The following EFCAB11 variants were observed in gnomAD, a reference collection of about 807,000 sequenced individuals.
EFCAB11 encodes EF-hand calcium binding domain 11.
Under a neutral mutation model 23.0 loss-of-function variants are expected in EFCAB11, and 14 were observed. The ratio of observed to expected loss-of-function variants is 0.61; its 90% confidence interval spans 0.40 to 0.95. EFCAB11 has a LOEUF of 0.95. EFCAB11 is among the 40% of genes least tolerant of loss of function. EFCAB11 has a pLI of 0.00. For missense variants in EFCAB11, 198 were observed against 195.8 expected, an observed-to-expected ratio of 1.01 and a Z score of -0.07; for synonymous variants, 65 against 66.6, an observed-to-expected ratio of 0.98 and a Z score of 0.11.
intron 5 of EFCAB11, among the ~76,000 whole-genome samples, chr14:89,917,494 G>T (rs774674600): frequency 1.4e-4 from 22 of 152,136 alleles, no homozygotes; most frequent in Non-Finnish European, 3.1e-4. Flanking sequence ...TTCATCCAGT[G>T]GTGGGCACTT....
At chr14:89,915,897 A>C (rs193197859) in intron 5 of EFCAB11, among the ~76,000 whole-genome samples, 1 of 152,348 alleles carries the variant, frequency 6.6e-6, no homozygotes, top group Non-Finnish European at 1.5e-5. Context: ...ATTTGTTAAA[A>C]AATTGAACTT....
intron 5 of EFCAB11, among the ~76,000 whole-genome samples, chr14:89,821,856 A>T (rs1019860191): frequency 2.0e-5 from 3 of 152,252 alleles, no homozygotes; most frequent in Non-Finnish European, 4.4e-5. Context: ...TTCTTGATTT[A>T]GTCTCTGGTT....
At position 89,795,233 on chromosome 14, in the gene EFCAB11, C is replaced by T. The variant is rs185799017; in HGVS notation, c.*2010G>A. 2,495 of 146,422 alleles carry T rather than the reference C, an allele frequency of 0.017. 43 individuals are homozygous for T. Among genetic ancestry groups the T allele is most frequent in the Admixed American group, 0.024 (351 of 14,612 alleles). The allele number at this position is 146,422 out of a possible 1,614,324, so 9.1% of individuals were successfully genotyped here. A position where few individuals can be genotyped will look rare whatever the true frequency, so the allele number is the denominator to read the frequency against. The stretch of plus-strand genomic sequence containing the variant: ...CGATCTCCCGACCTCGTGATCCACC[C>T]GCCTCGGCCTCCCGAAGTGCTGGGA... On this transcript the variant is annotated 3_prime_UTR_variant, in exon 6 of 6. Transcript: ENST00000316738.
chr14:89,917,090 GTGTGTGTA>G (rs1219360906), intron 5 of EFCAB11, among the ~76,000 whole-genome samples: 2,123 of 121,120 alleles, frequency 0.018, 61 homozygotes, highest in African/African-American at 0.096. Flanking sequence ...GTGTGTGTGT[GTGTGTGTA>G]TGTGTGTGTT....
chr14:89,839,229 T>C (rs1011726596), intron 5 of EFCAB11, among the ~76,000 whole-genome samples: 2 of 152,202 alleles, frequency 1.3e-5, no homozygotes, highest in Non-Finnish European at 2.9e-5. Flanking sequence ...GCAGGTACAA[T>C]GTTCTACCAT....
chr14:89,923,751 C>A (rs988040681), intron 5 of EFCAB11: 1 of 985,394 alleles, frequency 1.0e-6, no homozygotes, highest in Non-Finnish European at 1.2e-6. Context: ...TGATCATACA[C>A]AGAATCATTC....
At chr14:89,827,092 A>G (rs897542815) in intron 5 of EFCAB11, among the ~76,000 whole-genome samples, 1 of 152,222 alleles carries the variant, frequency 6.6e-6, no homozygotes, top group Non-Finnish European at 1.5e-5. Flanking sequence ...TAGGTTAGAC[A>G]GGTATTGAAG....
chr14:89,932,745 G>A, intron 3 of EFCAB11, 118 bp from the exon 4 acceptor site: 1 of 843,170 alleles, frequency 1.2e-6, no homozygotes, highest in Non-Finnish European at 1.9e-6. Context: ...CTTAATTTTG[G>A]TGAACAGTAT....
intron 5 of EFCAB11, among the ~76,000 whole-genome samples, chr14:89,889,416 T>C (rs931014436): frequency 6.6e-6 from 1 of 152,168 alleles, no homozygotes; most frequent in African/African-American, 2.4e-5. Context: ...GAAATGGTGA[T>C]TGTGAGGATG....
chr14:89,925,737 C>G (rs1036786425), intron 5 of EFCAB11, among the ~76,000 whole-genome samples: 2 of 151,846 alleles, frequency 1.3e-5, no homozygotes, highest in African/African-American at 4.8e-5. Flanking sequence ...CCTCCGCCTC[C>G]CGGGTTCAAG....
At chr14:89,865,028 C>G (rs971736729) in intron 5 of EFCAB11, among the ~76,000 whole-genome samples, 3 of 152,180 alleles carry the variant, frequency 2.0e-5, no homozygotes, top group African/African-American at 7.2e-5. Flanking sequence ...GGCTTGTGAC[C>G]GTCCTGAGTA....
chr14:89,837,105 C>T (rs1887111838), intron 5 of EFCAB11: 1 of 456,400 alleles, frequency 2.2e-6, no homozygotes, highest in East Asian at 6.9e-5. Flanking sequence ...GACTTCTGGT[C>T]AATATGGCAG....
intron 5 of EFCAB11, chr14:89,924,234 C>A (rs933668288): frequency 1.0e-6 from 1 of 990,380 alleles, no homozygotes; most frequent in Non-Finnish European, 1.2e-6. Flanking sequence ...GTCCTTTGAC[C>A]TTCCCTTGTG....
chr14:89,906,717 T>C (rs1889511766), intron 5 of EFCAB11, among the ~76,000 whole-genome samples: 1 of 152,116 alleles, frequency 6.6e-6, no homozygotes, highest in African/African-American at 2.4e-5. Flanking sequence ...GAGTATAACA[T>C]TTTATGGTAA....
At chr14:89,837,134 A>T (rs1020974865) in intron 5 of EFCAB11, 2 of 455,950 alleles carry the variant, frequency 4.4e-6, no homozygotes, top group Non-Finnish European at 8.8e-6. Context: ...CTTGCTGAAA[A>T]TCCTTAGGCC....
intron 5 of EFCAB11, among the ~76,000 whole-genome samples, chr14:89,917,631 A>G (rs1185633716): frequency 1.3e-5 from 2 of 152,232 alleles, no homozygotes; most frequent in Non-Finnish European, 2.9e-5. Flanking sequence ...GGCATTTCTA[A>G]ACAAGAAAAT....
chr14:89,865,149 G>A (rs1303062303), intron 5 of EFCAB11, among the ~76,000 whole-genome samples: 2 of 152,176 alleles, frequency 1.3e-5, no homozygotes, highest in African/African-American at 2.4e-5. Context: ...ACTGACACGG[G>A]GCAAGGGCAA....
chr14:89,935,277 A>G (rs1890539617), intron 3 of EFCAB11, among the ~76,000 whole-genome samples: 1 of 152,194 alleles, frequency 6.6e-6, no homozygotes, highest in Non-Finnish European at 1.5e-5. Flanking sequence ...CATGTTTAGC[A>G]TGATGCCTAG....
chr14:89,862,594 C>T (rs767570979), intron 5 of EFCAB11, among the ~76,000 whole-genome samples: 6 of 152,182 alleles, frequency 3.9e-5, no homozygotes, highest in Admixed American at 1.3e-4. Context: ...AGCTAGTAAT[C>T]ATGATCAGAT....
Sources: gnomAD v4.1 joint callset for allele counts (sites outside exome capture counted in the v4.1 genomes callset) on GRCh38, gnomAD v4.1.1 for gene constraint, MANE v1.5 for transcripts, NCBI Gene and HGNC (gene_info 2026-07-23, HGNC 2026-07-21) for gene names.